PELI3: variants seen among roughly 807,000 people sequenced by gnomAD.
The protein encoded by PELI3 is E3 ubiquitin-protein ligase pellino homolog 3.
A neutral mutation model predicts 35.5 loss-of-function variants in PELI3; 19 were observed. The observed-to-expected ratio is 0.54, with a 90% CI of 0.37 to 0.79. The LOEUF is 0.79. Among genes scored for constraint, PELI3 ranks in the 30% least tolerant of loss-of-function variants. The pLI is 0.00. For synonymous variants in PELI3, 262 were observed against 279.2 expected, an observed-to-expected ratio of 0.94 and a Z score of 0.62; for missense variants, 490 against 661.2, an observed-to-expected ratio of 0.74 and a Z score of 2.84.
intron 4 of PELI3, 63 bp downstream of exon 4, chr11:66,471,434 C>T (rs2134691794): frequency 6.3e-7 from 1 of 1,581,778 alleles, no homozygotes; most frequent in South Asian, 1.1e-5. Flanking sequence ...GGTCTTCGGC[C>T]TTCCAGGTCC....
Position 66,476,021 on chromosome 11 carries a change from T to G in PELI3, c.1264T>G (p.Cys422Gly). The G allele has an allele frequency of 6.2e-7, 1 of 1,612,192 alleles. No homozygotes were observed. The highest frequency in any genetic ancestry group is 8.5e-7 in the Non-Finnish European group (1 of 1,179,890). ...SHAFAPCGHV[C>G]SEKTARYWAQ... ...TGCCTTTGCACCTTGCGGCCACGTC[T>G]GCTCTGAGAAGACTGCCCGCTACTG... is the stretch of plus-strand genomic sequence containing the variant. Residue 422 changes from cysteine (C) to glycine (G), a missense_variant, in exon 8 of 8, where the codon TGC becomes GGC. Physicochemically the swap from Cys to Gly is radical, Grantham distance 159 (BLOSUM62 -3). Transcript: ENST00000320740.
Position 66,468,200 on chromosome 11 carries a change from C to A in PELI3, c.72C>A (p.Gly24=). ...ACCTCCAGCACCGGGGGAACAAGGGCTCTTGCGTTCTCTCCTCTCCCGGTG... is the reference window on the plus strand; with the variant it reads ...ACCTCCAGCACCGGGGGAACAAGGGATCTTGCGTTCTCTCCTCTCCCGGTG... ...TSDLQHRGNK[G]SCVLSSPGED... is the part of the protein sequence containing the mutation. Residue 24 remains glycine (G), a synonymous_variant, in exon 2 of 8, where the codon GGC becomes GGA. Coordinates refer to ENST00000320740, the MANE Select transcript of PELI3 (RefSeq NM_145065.3). 6.2e-7 allele frequency: 1 copy of A among 1,606,172 alleles called. No homozygotes were observed. The highest frequency in any genetic ancestry group is 8.5e-7 in the Non-Finnish European group (1 of 1,175,830).
rs1854802248 is a variant in PELI3, at chr11:66,473,722, C to T, written c.652-15C>T. On this transcript the variant is annotated splice_polypyrimidine_tract_variant and intron_variant, in intron 6 of 7. Transcript: ENST00000320740. The surrounding 1 kb of genome is among the most constrained non-coding windows in gnomAD (Gnocchi z 5.8). ...GCCCCTGGGGGATGTGATCTGATCCCTCATGTGGTCCCAGGAGCGAGCGGC... is the reference window on the plus strand; with the variant it reads ...GCCCCTGGGGGATGTGATCTGATCCTTCATGTGGTCCCAGGAGCGAGCGGC... 2.5e-6 allele frequency: 4 copies of T among 1,613,150 alleles called. No homozygotes were observed. Among genetic ancestry groups the T allele is most frequent in the Non-Finnish European group, 2.5e-6 (3 of 1,179,772 alleles).
rs768852872 is a variant in PELI3 at position 66,475,832 on chromosome 11, T to A, written c.1075T>A (p.Tyr359Asn). 1 of 1,607,068 alleles carries A rather than the reference T, an allele frequency of 6.2e-7. No individual in the cohort carries two copies. Among genetic ancestry groups the A allele is most frequent in the Non-Finnish European group, 8.5e-7 (1 of 1,177,700 alleles). Reference protein sequence around the residue: ...TAPDKQQPWVYVRCGHVHGYH... With the variant: ...TAPDKQQPWVNVRCGHVHGYH... ...GCCCGACAAACAGCAGCCCTGGGTC[T>A]ACGTCCGCTGCGGGCACGTCCATGG... is the stretch of plus-strand genomic sequence containing the variant. The change falls in exon 8 of 8, where the codon TAC becomes AAC. Residue 359 changes from tyrosine (Y) to asparagine (N), a missense_variant. Around this residue, in one of 3 missense-constraint regions of PELI3, gnomAD observed 349 missense variants for 484.8 expected, o/e 0.72. Coordinates refer to ENST00000320740, the MANE Select transcript of PELI3 (RefSeq NM_145065.3).
At position 66,476,322 on chromosome 11, in the gene PELI3, C is replaced by T. The variant is rs1365560450; in HGVS notation, c.*155C>T. 2 of 831,730 alleles carry T rather than the reference C, an allele frequency of 2.4e-6. No homozygotes were observed. Among genetic ancestry groups the T allele is most frequent in the East Asian group, 5.5e-5 (2 of 36,608 alleles). 51.5% of individuals were successfully genotyped at this position (831,730 alleles called of 1,614,324 possible). A position where few individuals can be genotyped will look rare whatever the true frequency, so the allele number is the denominator to read the frequency against. ...GCTGTGCCCTTCCCCCCAACTGTGG[C>T]CCCCCAAGGAGGTCCCCAAGATCTC... On this transcript the variant is annotated 3_prime_UTR_variant, in exon 8 of 8. Coordinates refer to ENST00000320740, the MANE Select transcript of PELI3 (RefSeq NM_145065.3).
Position 66,475,419 on chromosome 11 carries a change from G to A in PELI3, c.841-179G>A, listed in dbSNP as rs955749137. Among the ~76,000 whole-genome samples, 24 of 152,352 alleles carry A rather than the reference G, an allele frequency of 1.6e-4. 1 individual carries two copies. The highest frequency in any genetic ancestry group is 4.6e-4 in the African/African-American group (19 of 41,588). Reference sequence around the variant, plus strand: ...CCAAGGCCCATGCCCCGTTGGGAGGGGGGATCAGCATGTGCCTGGGATGCA... The same window carrying A: ...CCAAGGCCCATGCCCCGTTGGGAGGAGGGATCAGCATGTGCCTGGGATGCA... On this transcript the variant is annotated intron_variant, in intron 7 of 7. Coordinates refer to ENST00000320740, the MANE Select transcript of PELI3 (RefSeq NM_145065.3).
Position 66,475,706 on chromosome 11 carries a change from C to G in PELI3, c.949C>G (p.Gln317Glu). ...GCTGCTGCGGGCTCCCACACTGAAG[C>G]AACTGGAGGCCCAGCGGCAGGAGGC... ...AGLLRAPTLK[Q>E]LEAQRQEANA... Residue 317 changes from glutamine (Q) to glutamate (E), a missense_variant, in exon 8 of 8, where the codon CAA (glutamine) becomes GAA (glutamate). This residue lies in a region of PELI3 where 349 missense variants were observed against 484.8 expected (regional missense o/e 0.72). Transcript: ENST00000320740. 6.2e-7 allele frequency: 1 copy of G among 1,612,332 alleles called. No homozygotes were observed. Among genetic ancestry groups the G allele is most frequent in the African/African-American group, 1.3e-5 (1 of 75,064 alleles).
At position 66,473,302 on chromosome 11, in the gene PELI3, G is replaced by T; in HGVS notation, c.518G>T (p.Gly173Val). The T allele has an allele frequency of 6.2e-7, 1 of 1,613,460 alleles. No individual in the cohort carries two copies. Among genetic ancestry groups the T allele is most frequent in the Non-Finnish European group, 8.5e-7 (1 of 1,179,960 alleles). Residue 173 changes from glycine (G) to valine (V), a missense_variant, in exon 6 of 8, where the codon GGG (glycine) becomes GTG (valine). Around this residue, in one of 3 missense-constraint regions of PELI3, gnomAD observed 349 missense variants for 484.8 expected, o/e 0.72. Coordinates refer to ENST00000320740, the MANE Select transcript of PELI3 (RefSeq NM_145065.3). The surrounding 1 kb of genome is among the most constrained non-coding windows in gnomAD (Gnocchi z 5.8). ...GTAACAGACACGTCCCCTGGAGGAG[G>T]GGCTGCCGAGGGCCCTTCTGCCCAG... ...FVVTDTSPGG[G>V]AAEGPSAQST...
intron 2 of PELI3, 87 bp downstream of exon 2, chr11:66,468,367 A>C: frequency 7.7e-7 from 1 of 1,300,612 alleles, no homozygotes; most frequent in Non-Finnish European, 1.0e-6. Flanking sequence ...CTCCCCCCAC[A>C]TAGGGCCTTC....
At chr11:66,474,037 C>T (rs1428360672) in intron 7 of PELI3, 112 bp downstream of exon 7, 1 of 1,346,612 alleles carries the variant, frequency 7.4e-7, no homozygotes, top group Admixed American at 1.9e-5. Flanking sequence ...CAGGGAGCCC[C>T]AACAGGCTCC....
At chr11:66,471,097 A>G in intron 3 of PELI3, 145 bp from the exon 4 acceptor site, 2 of 1,112,604 alleles carry the variant, frequency 1.8e-6, no homozygotes, top group Non-Finnish European at 2.6e-6. Flanking sequence ...AGGGTCTTCT[A>G]GTTTCAGGTG....
intron 3 of PELI3, among the ~76,000 whole-genome samples, chr11:66,470,531 A>T (rs1479137241): frequency 6.6e-6 from 1 of 152,250 alleles, no homozygotes; most frequent in Non-Finnish European, 1.5e-5. Flanking sequence ...GATTGATAAC[A>T]TGAAGGCCAG....
In PELI3 at chr11:66,473,125, C is replaced by A. The variant is rs1445309419; in HGVS notation, c.457-116C>A. ...GTGCTGCCCCTTCTCCAGGGCCTGG[C>A]AGCCTCCTTTTTTGGTGACCTTGCA... On this transcript the variant is annotated intron_variant, in intron 5 of 7. Transcript: ENST00000320740. The surrounding 1 kb of genome is among the most constrained non-coding windows in gnomAD (Gnocchi z 5.8). 4.6e-6 allele frequency: 5 copies of A among 1,075,572 alleles called. No homozygotes were observed. Among genetic ancestry groups the A allele is most frequent in the Non-Finnish European group, 6.4e-6 (5 of 775,222 alleles). 66.6% of individuals were successfully genotyped at this position (1,075,572 alleles called of 1,614,324 possible). A position where few individuals can be genotyped will look rare whatever the true frequency, so the allele number is the denominator to read the frequency against.
chr11:66,472,323 T>TA (rs761484032), intron 4 of PELI3, 46 bp from the exon 5 acceptor site: 1 of 1,499,640 alleles, frequency 6.7e-7, no homozygotes, highest in Non-Finnish European at 9.3e-7. Flanking sequence ...GGCATACACT[T>TA]ATCATGGCTG....
rs1854802133 is a variant in PELI3, at chr11:66,473,719, T to A, written c.652-18T>A. The A allele has an allele frequency of 6.2e-7, 1 of 1,612,576 alleles. No individual in the cohort carries two copies. The highest frequency in any genetic ancestry group is 8.5e-7 in the Non-Finnish European group (1 of 1,179,594). On this transcript the variant is annotated intron_variant, in intron 6 of 7. Coordinates refer to ENST00000320740, the MANE Select transcript of PELI3 (RefSeq NM_145065.3). The surrounding 1 kb of genome is among the most constrained non-coding windows in gnomAD (Gnocchi z 5.8). ...GGGGCCCCTGGGGGATGTGATCTGA[T>A]CCCTCATGTGGTCCCAGGAGCGAGC...
rs1854597578 is a variant in PELI3 at position 66,468,077 on chromosome 11, C to A, written c.-1-51C>A. The A allele has an allele frequency of 5.3e-6, 8 of 1,518,628 alleles. No homozygotes were observed. In the East Asian group the frequency reaches 2.0e-4, roughly 39 times the overall value. The allele number at this position is 1,518,628 out of a possible 1,614,324, so 94.1% of individuals were successfully genotyped here. ...GCAGCAGGCTGCAGCTGGAATTGAGCCGGGCTGGGGTGGGAACCTACAAAG... is the reference window on the plus strand; with the variant it reads ...GCAGCAGGCTGCAGCTGGAATTGAGACGGGCTGGGGTGGGAACCTACAAAG... On this transcript the variant is annotated intron_variant, in intron 1 of 7. Transcript: ENST00000320740.
intron 7 of PELI3, chr11:66,474,435 T>A: frequency 3.5e-6 from 1 of 287,942 alleles, no homozygotes. Flanking sequence ...GAGCTGAGGT[T>A]AGGGACCGGG....
intron 3 of PELI3, among the ~76,000 whole-genome samples, chr11:66,469,785 G>T (rs539151432): frequency 1.6e-4 from 22 of 138,894 alleles, no homozygotes; most frequent in African/African-American, 6.2e-4. Context: ...TGGGACCAGG[G>T]AATCTGTTTT....
chr11:66,473,550 G>A lies in PELI3; in HGVS notation c.651+115G>A, dbSNP rs2134696168. 3 of 1,361,802 alleles carry A rather than the reference G, an allele frequency of 2.2e-6. No homozygotes were observed. In the East Asian group the frequency reaches 7.4e-5, roughly 34 times the overall value. The allele number at this position is 1,361,802 out of a possible 1,614,324, so 84.4% of individuals were successfully genotyped here. On this transcript the variant is annotated intron_variant, in intron 6 of 7. Transcript: ENST00000320740. This position sits in a 1 kb window ranked among gnomAD's most constrained non-coding sequence, Gnocchi z 5.8. ...CCACAGTAATCCAAATGGTGGTCCT[G>A]GCAGTTAGCAACCCCACCTAACTGA...
Sources: gnomAD v4.1 joint callset for allele counts (sites outside exome capture counted in the v4.1 genomes callset) on GRCh38, gnomAD v4.1.1 for gene constraint, gnomAD v4.1.1 regional missense constraint, Gnocchi (gnomAD v3.1) non-coding constraint, MANE v1.5 for transcripts, NCBI Gene and HGNC (gene_info 2026-07-23, HGNC 2026-07-21) for gene names.